RAB11FIP4: variants seen among roughly 807,000 people sequenced by gnomAD.
The protein encoded by RAB11FIP4 is RAB11 family interacting protein 4, also known as rab11 family-interacting protein 4.
In RAB11FIP4, 23 loss-of-function variants were observed where a neutral mutation model predicts 74.3. That is an observed-to-expected ratio of 0.31 (90% CI 0.22 to 0.44). The LOEUF is 0.44. Among genes scored for constraint, RAB11FIP4 ranks in the 20% least tolerant of loss-of-function variants. The pLI is 1.00. For missense variants in RAB11FIP4, 630 were observed against 863.9 expected (o/e 0.73, Z 3.39); for synonymous variants, 360 against 359.9 (o/e 1.00, Z 0.00).
intron 1 of RAB11FIP4, among the ~76,000 whole-genome samples, chr17:31,405,698 G>C (rs2151617118): frequency 6.6e-6 from 1 of 152,222 alleles, no homozygotes; most frequent in South Asian, 2.1e-4. Flanking sequence ...TATTGTTCTT[G>C]ATATAGAAAT....
At chr17:31,494,371 A>AAGAGGATG (rs1363835958) in intron 3 of RAB11FIP4, among the ~76,000 whole-genome samples, 10 of 152,168 alleles carry the variant, frequency 6.6e-5, no homozygotes, top group African/African-American at 1.9e-4. Context: ...GGTTCGTGGT[A>AAGAGGATG]AGGCTCAAAT....
chr17:31,414,752 A>G (rs1283164344), intron 1 of RAB11FIP4, among the ~76,000 whole-genome samples: 1 of 151,524 alleles, frequency 6.6e-6, no homozygotes, highest in Non-Finnish European at 1.5e-5. Context: ...GGCCCTCTCC[A>G]CCTCCCCTCC....
chr17:31,394,878 T>C lies in RAB11FIP4; in HGVS notation c.159+2867T>C, dbSNP rs2070912887. Among the ~76,000 whole-genome samples, 3 of 135,206 alleles carry C rather than the reference T, an allele frequency of 2.2e-5. No homozygotes were observed. The Admixed American group carries it at 2.5e-4, about 11-fold the overall frequency. 88.7% of individuals were successfully genotyped at this position (135,206 alleles called of 152,430 possible). A position where few individuals can be genotyped will look rare whatever the true frequency, so the allele number is the denominator to read the frequency against. The stretch of plus-strand genomic sequence containing the variant: ...TTTGCATCTCTACTCACTACCCATC[T>C]TATCCCCTGATGCATTAAAAAATCG... On this transcript the variant is annotated intron_variant, in intron 1 of 14. Transcript: ENST00000621161.
At chr17:31,481,271 G>A (rs988193641) in intron 3 of RAB11FIP4, among the ~76,000 whole-genome samples, 1 of 151,972 alleles carries the variant, frequency 6.6e-6, no homozygotes, top group Non-Finnish European at 1.5e-5. Context: ...CGTGACATTC[G>A]GATTAGGTTG....
At chr17:31,409,706 C>T (rs1479673927) in intron 1 of RAB11FIP4, among the ~76,000 whole-genome samples, 1 of 152,190 alleles carries the variant, frequency 6.6e-6, no homozygotes, top group East Asian at 1.9e-4. Flanking sequence ...TTCTGCAGCC[C>T]TCTGCCTCCA....
chr17:31,485,025 C>T (rs2142742723), intron 3 of RAB11FIP4, among the ~76,000 whole-genome samples: 1 of 152,360 alleles, frequency 6.6e-6, no homozygotes, highest in African/African-American at 2.4e-5. Context: ...GACTGCAGCT[C>T]ACTCATGCTG....
intron 1 of RAB11FIP4, among the ~76,000 whole-genome samples, chr17:31,421,329 G>C (rs867727199): frequency 6.6e-6 from 1 of 150,726 alleles, no homozygotes; most frequent in Admixed American, 6.6e-5. Context: ...AGTAATTCTC[G>C]TGCTTCAGCC....
At chr17:31,469,741 C>T (rs918339973) in intron 3 of RAB11FIP4, among the ~76,000 whole-genome samples, 4 of 151,700 alleles carry the variant, frequency 2.6e-5, no homozygotes, top group Non-Finnish European at 5.9e-5. Flanking sequence ...GGGAAGAATT[C>T]TTATTCTCAT....
chr17:31,491,104 C>T (rs2071999171), intron 3 of RAB11FIP4, among the ~76,000 whole-genome samples: 1 of 152,244 alleles, frequency 6.6e-6, no homozygotes, highest in Non-Finnish European at 1.5e-5. Context: ...CAATTAGGCA[C>T]CACAAGACAG....
chr17:31,397,505 T>C (rs1411256914), intron 1 of RAB11FIP4, among the ~76,000 whole-genome samples: 1 of 152,182 alleles, frequency 6.6e-6, no homozygotes, highest in Admixed American at 6.5e-5. Context: ...GAGGCTACCA[T>C]GCAGAGTGAC....
rs2070875587 is a variant in RAB11FIP4 at position 31,391,961 on chromosome 17, C to T, written c.109C>T (p.Arg37Cys). ...VCGRDPDGFL[R>C]VERVAALGLR... ...CGGCCGCGACCCCGACGGCTTCCTG[C>T]GCGTGGAGCGCGTCGCGGCGCTCGG... Residue 37 changes from arginine to cysteine, a missense_variant, in exon 1 of 15, where the codon CGC (arginine) becomes TGC (cysteine). By Grantham distance (180) the Arg-to-Cys change is radical. Coordinates refer to ENST00000621161, the MANE Select transcript of RAB11FIP4 (RefSeq NM_032932.6). The T allele has an allele frequency of 2.2e-6, 3 of 1,374,650 alleles. No homozygotes were observed. Among genetic ancestry groups the T allele is most frequent in the Admixed American group, 2.9e-5 (1 of 34,938 alleles). The allele number at this position is 1,374,650 out of a possible 1,614,324, so 85.2% of individuals were successfully genotyped here.
chr17:31,511,353 C>T (rs2072448961), intron 3 of RAB11FIP4, among the ~76,000 whole-genome samples: 1 of 152,302 alleles, frequency 6.6e-6, no homozygotes, highest in East Asian at 1.9e-4. Context: ...GTGGTTCCCT[C>T]CCCGTGTTTA....
At chr17:31,443,588 C>T (rs934509273) in intron 3 of RAB11FIP4, among the ~76,000 whole-genome samples, 4 of 151,348 alleles carry the variant, frequency 2.6e-5, no homozygotes, top group African/African-American at 9.7e-5. Flanking sequence ...CTAGGCTATG[C>T]TTACGCACGC....
At position 31,530,312 on chromosome 17, in the gene RAB11FIP4, C is replaced by G. The variant is rs1425027079; in HGVS notation, c.1654-14C>G. Reference sequence around the variant, plus strand: ...CTCTTGGGGTTGATGTCGCCTTCGTCCTTCTCTCTGTAGGAGAATTATAAG... The same window carrying G: ...CTCTTGGGGTTGATGTCGCCTTCGTGCTTCTCTCTGTAGGAGAATTATAAG... On this transcript the variant is annotated splice_polypyrimidine_tract_variant and intron_variant, in intron 13 of 14. Coordinates refer to ENST00000621161, the MANE Select transcript of RAB11FIP4 (RefSeq NM_032932.6). 3.1e-6 allele frequency: 5 copies of G among 1,613,096 alleles called. No homozygotes were observed. The highest frequency in any genetic ancestry group is 3.4e-6 in the Non-Finnish European group (4 of 1,179,194).
intron 1 of RAB11FIP4, among the ~76,000 whole-genome samples, chr17:31,394,756 T>A (rs907779776): frequency 2.0e-5 from 3 of 152,128 alleles, no homozygotes; most frequent in Non-Finnish European, 4.4e-5. Flanking sequence ...CAAGGCTGGT[T>A]AAACATTGCA....
Position 31,394,701 on chromosome 17 carries a change from G to C in RAB11FIP4, c.159+2690G>C, listed in dbSNP as rs569145336. On this transcript the variant is annotated intron_variant, in intron 1 of 14. Coordinates refer to ENST00000621161, the MANE Select transcript of RAB11FIP4 (RefSeq NM_032932.6). ...TACCTCTATCACTCTCAGCTGTGCT[G>C]CTGCCTGCGGGCTGGAGAAGCAGTG... 2.0e-5 allele frequency among the ~76,000 whole-genome samples: 3 copies of C among 152,282 alleles called. No individual in the cohort carries two copies. The South Asian group carries it at 6.2e-4, about 32-fold the overall frequency.
intron 14 of RAB11FIP4, among the ~76,000 whole-genome samples, chr17:31,531,392 T>C (rs1040319430): frequency 6.6e-6 from 1 of 152,138 alleles, no homozygotes; most frequent in African/African-American, 2.4e-5. Context: ...TTGGAATCTC[T>C]GGGGGTGGGG....
rs1189835150 is a variant in RAB11FIP4 at position 31,505,524 on chromosome 17, TTA to T, written c.337-12120_337-12119del. 1.8e-4 allele frequency among the ~76,000 whole-genome samples: 15 copies of T among 81,746 alleles called. 1 individual carries two copies. Among genetic ancestry groups the T allele is most frequent in the African/African-American group, 6.9e-4 (14 of 20,184 alleles). The allele number at this position is 81,746 out of a possible 152,430, so 53.6% of individuals were successfully genotyped here. A position where few individuals can be genotyped will look rare whatever the true frequency, so the allele number is the denominator to read the frequency against. ...TTATATTATATATAATAATTATATA[TTA>T]TATATAATTATTATATATTATATAT... On this transcript the variant is annotated intron_variant, in intron 3 of 14. Coordinates refer to ENST00000621161, the MANE Select transcript of RAB11FIP4 (RefSeq NM_032932.6).
At chr17:31,529,161 C>T (rs76504154) in intron 13 of RAB11FIP4, among the ~76,000 whole-genome samples, 18,621 of 150,516 alleles carry the variant, frequency 0.12, 1,403 homozygotes, top group Middle Eastern at 0.21. Context: ...TGCTTTGGCA[C>T]TCCATAGCTC....
Sources: gnomAD v4.1 joint callset for allele counts (sites outside exome capture counted in the v4.1 genomes callset) on GRCh38, gnomAD v4.1.1 for gene constraint, MANE v1.5 for transcripts, NCBI Gene and HGNC (gene_info 2026-07-23, HGNC 2026-07-21) for gene names.